WWC2: variants seen among roughly 807,000 people sequenced by gnomAD.
The protein encoded by WWC2 is WW and C2 domain containing 2.
In WWC2, 101 loss-of-function variants were observed where a neutral mutation model predicts 138.5. That is an observed-to-expected ratio of 0.73 (90% confidence interval 0.62 to 0.86). The LOEUF is 0.86. Among genes scored for constraint, WWC2 ranks in the 40% least tolerant of loss-of-function variants. The pLI is 0.00. For synonymous variants in WWC2, 558 were observed against 538.4 expected (o/e 1.04, Z -0.50); for missense variants, 1,420 against 1,419.4 (o/e 1.00, Z -0.01).
intron 1 of WWC2, among the ~76,000 whole-genome samples, chr4:183,169,157 T>C (rs545422974): frequency 6.6e-6 from 1 of 152,382 alleles, no homozygotes; most frequent in East Asian, 1.9e-4. Flanking sequence ...CTCTAAAATT[T>C]ATATGTGCAT....
intron 6 of WWC2, among the ~76,000 whole-genome samples, chr4:183,247,623 C>CTATATACTA (rs1193670243): frequency 2.2e-4 from 28 of 126,948 alleles, no homozygotes; most frequent in African/African-American, 6.2e-4. Context: ...ACTATATATA[C>CTATATACTA]TATATACTAT....
In WWC2 at chr4:183,298,275, G is replaced by A. The variant is rs76005363; in HGVS notation, c.3384+8640G>A. On this transcript the variant is annotated intron_variant, in intron 21 of 22. Transcript: ENST00000403733. ...TCTAGATCACTACTGTGAACATCTT[G>A]GGGATGCCGGTAACAGTTCAGTATA... Among the ~76,000 whole-genome samples the A allele has an allele frequency of 1.2e-3, 186 of 152,288 alleles. 3 individuals carry two copies. The East Asian group carries it at 0.024, about 19-fold the overall frequency.
chr4:183,300,662 T>A (rs534066496), intron 21 of WWC2, among the ~76,000 whole-genome samples: 31 of 152,100 alleles, frequency 2.0e-4, no homozygotes, highest in African/African-American at 7.5e-4. Flanking sequence ...CAGATATAAA[T>A]ATAAAAACAT....
intron 16 of WWC2, among the ~76,000 whole-genome samples, chr4:183,273,260 C>T (rs1216236359): frequency 1.3e-5 from 2 of 151,208 alleles, no homozygotes; most frequent in East Asian, 1.9e-4. Context: ...TTTTCACATT[C>T]TTTGTCTATT....
intron 1 of WWC2, among the ~76,000 whole-genome samples, chr4:183,135,589 G>C (rs529811889): frequency 2.3e-4 from 35 of 152,038 alleles, no homozygotes; most frequent in Admixed American, 8.5e-4. Context: ...GTACATGAGA[G>C]AGAGAGGACA....
At chr4:183,188,109 C>T (rs1734868903) in intron 1 of WWC2, among the ~76,000 whole-genome samples, 1 of 152,118 alleles carries the variant, frequency 6.6e-6, no homozygotes, top group South Asian at 2.1e-4. Flanking sequence ...GCCAGACACC[C>T]AAAAGGGCTC....
At chr4:183,185,467 A>G (rs1361947617) in intron 1 of WWC2, among the ~76,000 whole-genome samples, 1 of 152,186 alleles carries the variant, frequency 6.6e-6, no homozygotes, top group Non-Finnish European at 1.5e-5. Context: ...AGAGGAAAGT[A>G]TTTTTCAAAA....
In WWC2 at chr4:183,269,104, C is replaced by G; in HGVS notation, c.2341C>G (p.Gln781Glu). ...RVAISQTALQ[Q>E]KTLRVDLCSV... The stretch of plus-strand genomic sequence containing the variant: ...CGCCATTTCCCAAACAGCCTTACAA[C>G]AGAAGACACTGAGGGTAGACCTTTG... Residue 781 changes from glutamine (Q) to glutamate (E), a missense_variant, in exon 15 of 23, where the codon CAG becomes GAG. Gln to Glu is a conservative substitution (Grantham distance 29). Coordinates refer to ENST00000403733, the MANE Select transcript of WWC2 (RefSeq NM_024949.6). 6.2e-7 allele frequency: 1 copy of G among 1,613,934 alleles called. No homozygotes were observed. Among genetic ancestry groups the G allele is most frequent in the Non-Finnish European group, 8.5e-7 (1 of 1,179,876 alleles).
chr4:183,111,103 C>T (rs917146664), intron 1 of WWC2, among the ~76,000 whole-genome samples: 15 of 151,896 alleles, frequency 9.9e-5, no homozygotes, highest in African/African-American at 3.6e-4. Context: ...AGCCGGGCGT[C>T]GTGGCAGGCG....
At chr4:183,267,774 A>G (rs1004330249) in intron 14 of WWC2, among the ~76,000 whole-genome samples, 4 of 152,182 alleles carry the variant, frequency 2.6e-5, no homozygotes, top group Admixed American at 6.5e-5. Flanking sequence ...ATGTGCAGGC[A>G]CTTGTTGAGT....
chr4:183,215,959 A>T (rs568423782), intron 4 of WWC2, among the ~76,000 whole-genome samples: 1 of 152,334 alleles, frequency 6.6e-6, no homozygotes, highest in African/African-American at 2.4e-5. Flanking sequence ...ATTTTAAATG[A>T]TTCTATAAAG....
chr4:183,289,066 C>T (rs1302674234), intron 20 of WWC2, among the ~76,000 whole-genome samples: 1 of 152,248 alleles, frequency 6.6e-6, no homozygotes, highest in Admixed American at 6.5e-5. Flanking sequence ...GCTACTGGTT[C>T]ACTGCAGGTT....
chr4:183,174,279 T>C (rs1249286207), intron 1 of WWC2, among the ~76,000 whole-genome samples: 1 of 152,268 alleles, frequency 6.6e-6, no homozygotes, highest in Admixed American at 6.5e-5. Context: ...GCAGGGGGTC[T>C]GACTGCTTCT....
At chr4:183,183,298 A>AAT in intron 1 of WWC2, among the ~76,000 whole-genome samples, 2 of 152,268 alleles carry the variant, frequency 1.3e-5, no homozygotes, top group East Asian at 3.9e-4. Context: ...CCTAGGTATT[A>AAT]AGCACAGCAT....
chr4:183,273,681 C>T (rs1737768325), intron 16 of WWC2, among the ~76,000 whole-genome samples: 1 of 152,166 alleles, frequency 6.6e-6, no homozygotes, highest in East Asian at 1.9e-4. Context: ...AAATAATTTG[C>T]AGATATTTTC....
intron 16 of WWC2, among the ~76,000 whole-genome samples, chr4:183,280,288 G>T (rs1479033853): frequency 7.7e-6 from 1 of 129,228 alleles, no homozygotes; most frequent in East Asian, 2.3e-4. Context: ...CTGCATATAG[G>T]CAGCTTAGGA....
chr4:183,289,274 A>G (rs979180314), intron 20 of WWC2, 119 bp from the exon 21 acceptor site: 78 of 1,427,730 alleles, frequency 5.5e-5, no homozygotes, highest in Non-Finnish European at 6.8e-5. Context: ...CCTGCCCCTT[A>G]GGCCCTGGCT....
chr4:183,124,941 A>C (rs1172396503), intron 1 of WWC2, among the ~76,000 whole-genome samples: 1 of 152,186 alleles, frequency 6.6e-6, no homozygotes, highest in East Asian at 1.9e-4. Flanking sequence ...GGAAATGATT[A>C]AACACACTAA....
chr4:183,281,105 A>G (rs112996568), intron 17 of WWC2: 2 of 595,176 alleles, frequency 3.4e-6, no homozygotes, highest in African/African-American at 1.9e-5. Flanking sequence ...AACATTAGCC[A>G]GATTCTTTGT....
Sources: gnomAD v4.1 joint callset for allele counts (sites outside exome capture counted in the v4.1 genomes callset) on GRCh38, gnomAD v4.1.1 for gene constraint, MANE v1.5 for transcripts, NCBI Gene and HGNC (gene_info 2026-07-23, HGNC 2026-07-21) for gene names.